Variants in ADAMTS17 observed in about 807,000 individuals in gnomAD.
The protein encoded by ADAMTS17 is A disintegrin and metalloproteinase with thrombospondin motifs 17.
In ADAMTS17, 113 loss-of-function variants were observed where a neutral mutation model predicts 141.5. The ratio of observed to expected loss-of-function variants is 0.80; its 90% CI spans 0.69 to 0.93. The LOEUF (loss-of-function observed/expected upper bound fraction) is 0.93. Among genes scored for constraint, ADAMTS17 ranks in the 40% least tolerant of loss-of-function variants. The probability of loss-of-function intolerance (pLI) is 0.00; values close to 1 mark genes in which losing one functional copy is unlikely to be tolerated. For synonymous variants in ADAMTS17, 768 were observed against 630.6 expected (o/e 1.22, Z -3.27); for missense variants, 1,659 against 1,517.9 (o/e 1.09, Z -1.54).
chr15:100,171,722 C>T (rs967328127), intron 8 of ADAMTS17, among the ~76,000 whole-genome samples: 2 of 152,166 alleles, frequency 1.3e-5, no homozygotes, highest in African/African-American at 4.8e-5. Context: ...TTTCTCTACA[C>T]CTCAATGGCC....
chr15:100,287,083 GA>G (rs1272450970), intron 3 of ADAMTS17, among the ~76,000 whole-genome samples: 2 of 152,172 alleles, frequency 1.3e-5, no homozygotes, highest in Non-Finnish European at 2.9e-5. Context: ...AGCTACTCAG[GA>G]GGCTGAGGTG....
chr15:100,307,974 C>T (rs1368010337), intron 3 of ADAMTS17, among the ~76,000 whole-genome samples: 1 of 152,240 alleles, frequency 6.6e-6, no homozygotes, highest in Non-Finnish European at 1.5e-5. Flanking sequence ...CCTACGAGTA[C>T]GTTCTAAGCA....
intron 3 of ADAMTS17, among the ~76,000 whole-genome samples, chr15:100,318,608 G>T (rs1411756935): frequency 6.6e-6 from 1 of 152,226 alleles, no homozygotes. Context: ...AATTTCTGTT[G>T]TTTATGAACT....
intron 3 of ADAMTS17, among the ~76,000 whole-genome samples, chr15:100,308,464 C>T (rs1031569632): frequency 3.3e-5 from 5 of 152,326 alleles, no homozygotes. Flanking sequence ...ACGTCATTCA[C>T]GCTGGAAGCA....
At chr15:100,024,916 C>G (rs1567688219) in intron 18 of ADAMTS17, among the ~76,000 whole-genome samples, 1 of 152,176 alleles carries the variant, frequency 6.6e-6, no homozygotes, top group Non-Finnish European at 1.5e-5. Flanking sequence ...ATAAGAACCA[C>G]ACTAACTGGA....
Position 100,341,225 on chromosome 15 carries a change from G to A in ADAMTS17, c.264C>T (p.Phe88=), listed in dbSNP as rs962896436. 5.6e-6 allele frequency: 8 copies of A among 1,436,088 alleles called. No homozygotes were observed. Among genetic ancestry groups the A allele is most frequent in the Admixed American group, 2.4e-5 (1 of 40,872 alleles). 89.0% of individuals were successfully genotyped at this position (1,436,088 alleles called of 1,614,324 possible). ...GCAGCTGAAGGTACAGGTCGCGCCC[G>A]AAGGCCGGCAGGTGCAGCAGCAGGG... ...ERALLLHLPA[F]GRDLYLQLRR... The change falls in exon 2 of 22, where the codon TTC becomes TTT. Residue 88 remains phenylalanine (F), a synonymous_variant. Transcript: ENST00000268070.
intron 8 of ADAMTS17, among the ~76,000 whole-genome samples, chr15:100,157,519 C>T (rs1237197541): frequency 6.6e-6 from 1 of 152,130 alleles, no homozygotes; most frequent in Non-Finnish European, 1.5e-5. Context: ...GCCATATTTT[C>T]GCGTGGTCTG....
chr15:100,034,844 G>C (rs924173386), intron 18 of ADAMTS17, among the ~76,000 whole-genome samples: 12 of 152,264 alleles, frequency 7.9e-5, no homozygotes, highest in African/African-American at 2.9e-4. Flanking sequence ...TCCCACATAA[G>C]AAAAAGTTAA....
chr15:100,132,244 C>T, intron 11 of ADAMTS17, 92 bp from the exon 12 acceptor site: 1 of 1,511,666 alleles, frequency 6.6e-7, no homozygotes, highest in Non-Finnish European at 8.9e-7. Flanking sequence ...CTGCCAAAAA[C>T]CCATTTGCTA....
chr15:100,193,007 C>T (rs1020349750), intron 8 of ADAMTS17, among the ~76,000 whole-genome samples: 2 of 152,238 alleles, frequency 1.3e-5, no homozygotes, highest in African/African-American at 2.4e-5. Flanking sequence ...TTCCCGACGT[C>T]CACTGTCCCA....
At chr15:100,179,055 G>A (rs1248947706) in intron 8 of ADAMTS17, among the ~76,000 whole-genome samples, 4 of 152,086 alleles carry the variant, frequency 2.6e-5, no homozygotes, top group African/African-American at 7.2e-5. Context: ...ATTATATCAG[G>A]GCAAACGGGG....
Position 99,973,283 on chromosome 15 carries a change from A to C in ADAMTS17, c.*1119T>G, listed in dbSNP as rs1190622567. The stretch of plus-strand genomic sequence containing the variant: ...CTACAGGAAGGCTCGGCGGGTGTGC[A>C]GCAGTGCCAGCCAGATGGCGTTCCT... On this transcript the variant is annotated 3_prime_UTR_variant, in exon 22 of 22. Transcript: ENST00000268070. 1 of 152,246 alleles carries C rather than the reference A, an allele frequency of 6.6e-6. No individual in the cohort carries two copies. The highest frequency in any genetic ancestry group is 2.4e-5 in the African/African-American group (1 of 41,396). 9.4% of individuals were successfully genotyped at this position (152,246 alleles called of 1,614,324 possible).
chr15:100,037,417 T>TTTC (rs2030838003), intron 18 of ADAMTS17, among the ~76,000 whole-genome samples: 1 of 151,296 alleles, frequency 6.6e-6, no homozygotes, highest in Non-Finnish European at 1.5e-5. Flanking sequence ...TTTTTTTTTT[T>TTTC]TTCTTCTTTT....
In ADAMTS17 at chr15:100,268,062, G is replaced by C. The variant is rs561930377; in HGVS notation, c.790-5627C>G. The stretch of plus-strand genomic sequence containing the variant: ...GAGAATATGCAGCATTTGGTTTTCT[G>C]ATCCCGCATTAATTCACTTAGGATA... On this transcript the variant is annotated intron_variant, in intron 4 of 21. Transcript: ENST00000268070. Among the ~76,000 whole-genome samples, 179 of 152,276 alleles carry C rather than the reference G, an allele frequency of 1.2e-3. 1 individual carries two copies. The highest frequency in any genetic ancestry group is 4.1e-3 in the African/African-American group (171 of 41,556).
intron 7 of ADAMTS17, among the ~76,000 whole-genome samples, chr15:100,203,897 CAAAA>C (rs57951408): frequency 3.0e-5 from 4 of 131,670 alleles, no homozygotes; most frequent in African/African-American, 1.1e-4. Context: ...GACTCTGTCT[CAAAA>C]AAAAAAAAAG....
intron 3 of ADAMTS17, among the ~76,000 whole-genome samples, chr15:100,281,846 T>C (rs1452295078): frequency 6.6e-6 from 1 of 152,174 alleles, no homozygotes; most frequent in African/African-American, 2.4e-5. Context: ...GGGGCTGGCA[T>C]CCCAGTAACT....
In ADAMTS17 at chr15:99,993,304, C is replaced by G; in HGVS notation, c.2797-104G>C. 6.6e-7 allele frequency: 1 copy of G among 1,505,700 alleles called. No homozygotes were observed. The highest frequency in any genetic ancestry group is 9.2e-7 in the Non-Finnish European group (1 of 1,091,344). 93.3% of individuals were successfully genotyped at this position (1,505,700 alleles called of 1,614,324 possible). On this transcript the variant is annotated intron_variant, in intron 19 of 21. Transcript: ENST00000268070. This position sits in a 1 kb window ranked among gnomAD's most constrained non-coding sequence, Gnocchi z 4.3. ...TGCCAGGTGCGGTGTGGGGATGATA[C>G]AAAGATGAAAACCCACACTTCTGTC...
At chr15:100,223,112 A>C (rs2042185791) in intron 7 of ADAMTS17, among the ~76,000 whole-genome samples, 1 of 152,228 alleles carries the variant, frequency 6.6e-6, no homozygotes, top group Admixed American at 6.5e-5. Context: ...GGAAAGTCAC[A>C]GCACAATGTG....
At chr15:100,077,827 T>C (rs1262216501) in intron 15 of ADAMTS17, among the ~76,000 whole-genome samples, 1 of 152,220 alleles carries the variant, frequency 6.6e-6, no homozygotes, top group Non-Finnish European at 1.5e-5. Flanking sequence ...AAATTATCTC[T>C]ATTTGCAGAT....
Sources: allele counts gnomAD v4.1 joint callset (sites outside exome capture counted in the v4.1 genomes callset), GRCh38; gene constraint gnomAD v4.1.1; non-coding constraint Gnocchi (gnomAD v3.1); transcripts MANE v1.5; gene names NCBI Gene and HGNC (gene_info 2026-07-23, HGNC 2026-07-21).